The following FGF14 variants were observed in gnomAD, a reference collection of about 807,000 sequenced individuals.
FGF14 encodes the protein fibroblast growth factor homologous factor 4.
A neutral mutation model predicts 25.5 loss-of-function variants in FGF14; 5 were observed. The ratio of observed to expected loss-of-function variants is 0.20; its 90% CI spans 0.10 to 0.41. The LOEUF is 0.41. Among genes scored for constraint, FGF14 ranks in the 10% least tolerant of loss-of-function variants. The pLI, the probability that FGF14 is intolerant of heterozygous loss-of-function variation, is 1.00. For synonymous variants in FGF14, 138 were observed against 118.3 expected (o/e 1.17, Z -1.08); for missense variants, 222 against 320.1 (o/e 0.69, Z 2.34).
intron 1 of FGF14, among the ~76,000 whole-genome samples, chr13:102,338,882 G>A (rs377243832): frequency 3.3e-5 from 5 of 151,652 alleles, no homozygotes; most frequent in South Asian, 2.1e-4. Context: ...ATGGTGGTGC[G>A]CACCTGTAAT....
At chr13:102,091,657 G>A (rs1260887987) in intron 1 of FGF14, among the ~76,000 whole-genome samples, 6 of 152,082 alleles carry the variant, frequency 3.9e-5, no homozygotes, top group African/African-American at 7.2e-5. Context: ...GCCGAGCCAC[G>A]CCTTGCTTAC....
intron 3 of FGF14, among the ~76,000 whole-genome samples, chr13:101,777,412 T>C (rs767756566): frequency 4.6e-5 from 7 of 152,118 alleles, no homozygotes; most frequent in Non-Finnish European, 1.0e-4. Flanking sequence ...CTTGGTAATA[T>C]CATAATTTGC....
chr13:102,241,528 G>C (rs894444268), intron 1 of FGF14, among the ~76,000 whole-genome samples: 1 of 152,110 alleles, frequency 6.6e-6, no homozygotes, highest in Non-Finnish European at 1.5e-5. Context: ...TCAGTCAAAA[G>C]AAACTAGGAC....
chr13:102,163,641 C>T (rs192019700), intron 1 of FGF14, among the ~76,000 whole-genome samples: 10 of 151,992 alleles, frequency 6.6e-5, no homozygotes, highest in African/African-American at 2.4e-4. Context: ...GACCAGTATT[C>T]GAGGAGGTGA....
chr13:102,006,697 G>C (rs1393660974), intron 1 of FGF14, among the ~76,000 whole-genome samples: 1 of 143,644 alleles, frequency 7.0e-6, no homozygotes. Flanking sequence ...AAATACCAAG[G>C]ACTGAAATAT....
intron 1 of FGF14, among the ~76,000 whole-genome samples, chr13:102,202,177 A>G (rs2049687561): frequency 6.6e-6 from 1 of 152,192 alleles, no homozygotes; most frequent in Non-Finnish European, 1.5e-5. Context: ...CTGCGAAACC[A>G]TGAGCCAGTT....
At chr13:101,842,005 A>G (rs1240391577) in intron 3 of FGF14, among the ~76,000 whole-genome samples, 3 of 152,016 alleles carry the variant, frequency 2.0e-5, no homozygotes, top group Non-Finnish European at 4.4e-5. Flanking sequence ...AAATGTATTC[A>G]GTTTTAAAAT....
At chr13:101,979,342 T>A (rs1222039943) in intron 1 of FGF14, among the ~76,000 whole-genome samples, 1 of 152,246 alleles carries the variant, frequency 6.6e-6, no homozygotes, top group African/African-American at 2.4e-5. Context: ...ACATTTACTA[T>A]GGCTGTTTAC....
chr13:102,045,619 G>A (rs998595819), intron 1 of FGF14, among the ~76,000 whole-genome samples: 1 of 152,134 alleles, frequency 6.6e-6, no homozygotes. Flanking sequence ...ATTGTACATA[G>A]GGATCTTTGA....
intron 3 of FGF14, among the ~76,000 whole-genome samples, chr13:101,850,503 T>TG (rs556430899): frequency 2.7e-3 from 28 of 10,186 alleles, no homozygotes; most frequent in African/African-American, 8.4e-3. Context: ...TATATATATA[T>TG]ATATATATAT....
intron 1 of FGF14, among the ~76,000 whole-genome samples, chr13:102,239,785 A>G (rs1413857848): frequency 6.6e-6 from 1 of 152,102 alleles, no homozygotes; most frequent in Non-Finnish European, 1.5e-5. Context: ...TGTCTTAATT[A>G]TTTCTGATTC....
intron 1 of FGF14, among the ~76,000 whole-genome samples, chr13:101,926,930 A>C (rs112324323): frequency 1.3e-5 from 2 of 152,366 alleles, no homozygotes; most frequent in African/African-American, 4.8e-5. Context: ...TAAAGAAATC[A>C]GAAATATTTC....
chr13:102,048,996 G>T (rs2140042285), intron 1 of FGF14, among the ~76,000 whole-genome samples: 1 of 152,102 alleles, frequency 6.6e-6, no homozygotes, highest in Non-Finnish European at 1.5e-5. Context: ...GGAGAAAAAA[G>T]TTAGATTCCA....
At chr13:102,094,170 A>C (rs1359911442) in intron 1 of FGF14, among the ~76,000 whole-genome samples, 1 of 151,788 alleles carries the variant, frequency 6.6e-6, no homozygotes, top group Non-Finnish European at 1.5e-5. Context: ...TTTTATCTTG[A>C]ATTGAAAATG....
chr13:102,222,520 C>T (rs2050658254), intron 1 of FGF14, among the ~76,000 whole-genome samples: 1 of 152,178 alleles, frequency 6.6e-6, no homozygotes, highest in Non-Finnish European at 1.5e-5. Flanking sequence ...GCTCCTAAGG[C>T]AGTCCTAGTT....
rs372604476 is a variant in FGF14 at position 101,828,828 on chromosome 13, T to C, written c.408+39897A>G. ...AGTCTACTGATGTGCTGTGGTTGCA[T>C]TTATTTTTATATATGTACTCAGGAA... is the stretch of plus-strand genomic sequence containing the variant. On this transcript the variant is annotated intron_variant, in intron 3 of 4. Transcript: ENST00000376143. 3.9e-5 allele frequency among the ~76,000 whole-genome samples: 6 copies of C among 152,214 alleles called. No homozygotes were observed. In the East Asian group the frequency reaches 9.7e-4, roughly 25 times the overall value.
chr13:101,999,136 T>C (rs1398709184), intron 1 of FGF14, among the ~76,000 whole-genome samples: 1 of 152,228 alleles, frequency 6.6e-6, no homozygotes, highest in African/African-American at 2.4e-5. Context: ...TCAACCTTAT[T>C]ATCTAATTAG....
intron 1 of FGF14, among the ~76,000 whole-genome samples, chr13:102,349,140 CA>C (rs991724908): frequency 6.6e-6 from 1 of 152,200 alleles, no homozygotes; most frequent in African/African-American, 2.4e-5. Context: ...AAGCTCCCCA[CA>C]ACAAAGAATT....
intron 3 of FGF14, among the ~76,000 whole-genome samples, chr13:101,822,677 A>G (rs2042215144): frequency 6.6e-6 from 1 of 152,206 alleles, no homozygotes; most frequent in African/African-American, 2.4e-5. Flanking sequence ...CGATCAAATC[A>G]GGGCCAATTG....
Sources: allele counts gnomAD v4.1 joint callset (sites outside exome capture counted in the v4.1 genomes callset), GRCh38; gene constraint gnomAD v4.1.1; transcripts MANE v1.5; gene names NCBI Gene and HGNC (gene_info 2026-07-23, HGNC 2026-07-21).